Variants in SMYD3 observed in about 807,000 individuals in gnomAD.
The protein encoded by SMYD3 is histone-lysine N-methyltransferase SMYD3.
SMYD3 carries 36 observed loss-of-function variants against 57.7 expected under a neutral mutation model. The ratio of observed to expected loss-of-function variants is 0.62; its 90% CI spans 0.48 to 0.82. The LOEUF (loss-of-function observed/expected upper bound fraction) is 0.82. Ranked by LOEUF, SMYD3 falls within the 40% of genes least tolerant of loss-of-function variation. The pLI, the probability that SMYD3 is intolerant of heterozygous loss-of-function variation, is 0.00. For missense variants in SMYD3, 515 were observed against 538.8 expected (o/e 0.96, Z 0.44); for synonymous variants, 211 against 195.0 (o/e 1.08, Z -0.68).
In SMYD3 at chr1:246,125,087, AAC is replaced by A. The variant is rs577581964; in HGVS notation, c.532-195152_532-195151del. Among the ~76,000 whole-genome samples the A allele has an allele frequency of 1.9e-3, 267 of 142,586 alleles. 1 individual carries two copies. Among genetic ancestry groups the A allele is most frequent in the Non-Finnish European group, 2.6e-3 (172 of 66,558 alleles). The allele number at this position is 142,586 out of a possible 152,430, so 93.5% of individuals were successfully genotyped here. ...ACTCCGTCTCAAAAAAAAAAAAAAA[AAC>A]ACACACACACACACACATCTGGAAT... On this transcript the variant is annotated intron_variant, in intron 5 of 11. Coordinates refer to ENST00000490107, the MANE Select transcript of SMYD3 (RefSeq NM_001167740.2).
chr1:245,938,961 C>T (rs570371263), intron 5 of SMYD3, among the ~76,000 whole-genome samples: 1 of 151,980 alleles, frequency 6.6e-6, no homozygotes, highest in East Asian at 1.9e-4. Context: ...CCCTGGCCAA[C>T]ATGGTGAAAC....
chr1:245,815,283 G>A (rs1007057770), intron 10 of SMYD3, among the ~76,000 whole-genome samples: 48 of 152,220 alleles, frequency 3.2e-4, no homozygotes, highest in African/African-American at 1.0e-3. Context: ...GCAGAGCCCA[G>A]AAGAGCTGTT....
chr1:245,849,684 G>T (rs560188682), intron 10 of SMYD3, among the ~76,000 whole-genome samples: 1 of 151,854 alleles, frequency 6.6e-6, no homozygotes, highest in African/African-American at 2.4e-5. Context: ...ACAGGGTCTC[G>T]CTCAGTCACC....
intron 5 of SMYD3, among the ~76,000 whole-genome samples, chr1:246,101,066 T>G (rs868276731): frequency 2.1e-5 from 2 of 94,172 alleles, no homozygotes; most frequent in Admixed American, 2.4e-4. Context: ...TTTTAGGGGT[T>G]TTTTGTTTTT....
intron 5 of SMYD3, among the ~76,000 whole-genome samples, chr1:246,171,202 C>T (rs780383665): frequency 2.6e-5 from 4 of 151,890 alleles, no homozygotes; most frequent in African/African-American, 4.8e-5. Context: ...TTTTGGTAAA[C>T]GTTTCAAAGA....
At chr1:246,048,658 C>T (rs1157884420) in intron 5 of SMYD3, among the ~76,000 whole-genome samples, 5 of 152,116 alleles carry the variant, frequency 3.3e-5, no homozygotes, top group Admixed American at 1.3e-4. Context: ...CACTTCCTAA[C>T]CTTGTGAACT....
At chr1:246,148,159 G>A (rs755641080) in intron 5 of SMYD3, among the ~76,000 whole-genome samples, 12 of 152,142 alleles carry the variant, frequency 7.9e-5, no homozygotes, top group Non-Finnish European at 1.5e-4. Flanking sequence ...CCTCGTCTGG[G>A]TGCACATGGA....
intron 1 of SMYD3, among the ~76,000 whole-genome samples, chr1:246,499,399 TATAC>T (rs751719451): frequency 0.064 from 2,528 of 39,584 alleles, 76 homozygotes; most frequent in African/African-American, 0.14. Context: ...AACCATCAAA[TATAC>T]ACACACACAC....
At chr1:245,963,211 T>C (rs747687723) in intron 5 of SMYD3, among the ~76,000 whole-genome samples, 30 of 152,278 alleles carry the variant, frequency 2.0e-4, no homozygotes, top group Middle Eastern at 6.8e-3. Flanking sequence ...TTCCACATTG[T>C]ATTAAAAACT....
chr1:246,287,316 A>G (rs1237641170), intron 5 of SMYD3, among the ~76,000 whole-genome samples: 1 of 152,272 alleles, frequency 6.6e-6, no homozygotes, highest in African/African-American at 2.4e-5. Flanking sequence ...AATTAGGTCA[A>G]TGAGCTAAAG....
At chr1:245,753,767 C>T (rs945205446) in intron 11 of SMYD3, among the ~76,000 whole-genome samples, 1 of 152,218 alleles carries the variant, frequency 6.6e-6, no homozygotes, top group African/African-American at 2.4e-5. Context: ...TTCTGACAAA[C>T]GAGAGCAATT....
intron 1 of SMYD3, among the ~76,000 whole-genome samples, chr1:246,427,347 C>T (rs2067233357): frequency 6.6e-6 from 1 of 151,194 alleles, no homozygotes; most frequent in African/African-American, 2.4e-5. Context: ...GGTGAAACCC[C>T]GTCTCTACTA....
chr1:245,884,181 T>C (rs954859039), intron 8 of SMYD3, among the ~76,000 whole-genome samples: 4 of 152,184 alleles, frequency 2.6e-5, no homozygotes, highest in Non-Finnish European at 4.4e-5. Context: ...CAAATACCTA[T>C]AGCTGAAGTC....
chr1:246,016,826 T>C lies in SMYD3; in HGVS notation c.532-86889A>G, dbSNP rs544023777. On this transcript the variant is annotated intron_variant, in intron 5 of 11. Transcript: ENST00000490107. ...ATGTTACCGAGAATAAAATAGACAT[T>C]GGAAAGAAATAATGGAAAAACAGTT... Among the ~76,000 whole-genome samples, 11 of 152,082 alleles carry C rather than the reference T, an allele frequency of 7.2e-5. 1 individual carries two copies. The South Asian group carries it at 2.3e-3, about 32-fold the overall frequency.
intron 9 of SMYD3, among the ~76,000 whole-genome samples, chr1:245,860,264 T>TA (rs1234775913): frequency 1.3e-5 from 2 of 152,114 alleles, no homozygotes; most frequent in Non-Finnish European, 2.9e-5. Flanking sequence ...ACTGAGGTCC[T>TA]AACAGAGCAC....
chr1:246,444,166 A>G (rs897725005), intron 1 of SMYD3, among the ~76,000 whole-genome samples: 4 of 145,148 alleles, frequency 2.8e-5, no homozygotes, highest in Admixed American at 1.4e-4. Flanking sequence ...TCGTTCTGTC[A>G]CCCAGGCTAG....
At chr1:246,391,221 G>GAAAA (rs58176373) in intron 1 of SMYD3, among the ~76,000 whole-genome samples, 42 of 111,040 alleles carry the variant, frequency 3.8e-4, no homozygotes, top group African/African-American at 1.2e-3. Context: ...CTCTATATCT[G>GAAAA]AAAAAAAAAA....
At chr1:245,880,738 C>T (rs1372388984) in intron 8 of SMYD3, among the ~76,000 whole-genome samples, 2 of 152,174 alleles carry the variant, frequency 1.3e-5, no homozygotes, top group Non-Finnish European at 2.9e-5. Context: ...CTACACCACA[C>T]TGCCTCAAAT....
At chr1:245,967,710 C>G (rs1455649813) in intron 5 of SMYD3, among the ~76,000 whole-genome samples, 2 of 152,144 alleles carry the variant, frequency 1.3e-5, no homozygotes, top group Non-Finnish European at 2.9e-5. Flanking sequence ...AGACATAACC[C>G]AAGAATTGCT....
Sources: gnomAD v4.1 joint callset for allele counts (sites outside exome capture counted in the v4.1 genomes callset) on GRCh38, gnomAD v4.1.1 for gene constraint, MANE v1.5 for transcripts, NCBI Gene and HGNC (gene_info 2026-07-23, HGNC 2026-07-21) for gene names.